Variants in SCRG1 observed in about 807,000 individuals in gnomAD.
SCRG1 encodes the protein scrapie-responsive protein 1.
Under a neutral mutation model 7.7 loss-of-function variants are expected in SCRG1, and 3 were observed. The observed-to-expected ratio is 0.39, with a 90% CI of 0.18 to 1.01. SCRG1 has a LOEUF of 1.01. SCRG1 is among the 50% of genes least tolerant of loss of function. SCRG1 has a pLI of 0.36. For missense variants in SCRG1, 110 were observed against 117.2 expected, an observed-to-expected ratio of 0.94 and a Z score of 0.28; for synonymous variants, 46 against 41.2, an observed-to-expected ratio of 1.12 and a Z score of -0.44.
chr4:173,450,898 C>A, the SCRG1 span, among the ~76,000 whole-genome samples: 8 of 152,008 alleles, frequency 5.3e-5, no homozygotes, highest in Non-Finnish European at 1.2e-4. Flanking sequence ...AGGGCATCCA[C>A]GAGCAGCAAA....
At chr4:173,418,864 G>A in the SCRG1 span, among the ~76,000 whole-genome samples, 1 of 152,100 alleles carries the variant, frequency 6.6e-6, no homozygotes, top group Non-Finnish European at 1.5e-5. Context: ...AGACATGCCT[G>A]CTTCCCCTTC....
At chr4:173,419,475 G>GT in the SCRG1 span, 12 of 860,846 alleles carry the variant, frequency 1.4e-5, no homozygotes, top group African/African-American at 1.8e-4. Context: ...TGAGAGAACT[G>GT]TTTTTTGGAA....
the SCRG1 span, chr4:173,469,335 A>T: frequency 6.6e-6 from 1 of 152,204 alleles, no homozygotes; most frequent in Non-Finnish European, 1.5e-5. Flanking sequence ...GTCATAAAAA[A>T]TAAAATTGCC....
chr4:173,420,008 A>G, the SCRG1 span: 3 of 675,034 alleles, frequency 4.4e-6, no homozygotes, highest in Non-Finnish European at 5.5e-6. Context: ...GGTGTGTTGT[A>G]TTTATTTTTA....
chr4:173,461,817 T>A, the SCRG1 span, among the ~76,000 whole-genome samples: 7 of 151,520 alleles, frequency 4.6e-5, no homozygotes, highest in South Asian at 2.1e-4. Context: ...AAATTCAAGA[T>A]AACACCAAAG....
the SCRG1 span, among the ~76,000 whole-genome samples, chr4:173,415,324 A>G: frequency 6.6e-6 from 1 of 152,232 alleles, no homozygotes; most frequent in Non-Finnish European, 1.5e-5. Flanking sequence ...AAGATTGAGT[A>G]ACTAGAACAG....
chr4:173,496,707 A>G, the SCRG1 span, among the ~76,000 whole-genome samples: 3 of 152,236 alleles, frequency 2.0e-5, no homozygotes, highest in Admixed American at 6.5e-5. Context: ...AGATAATCTT[A>G]TTTAATCCTC....
the SCRG1 span, among the ~76,000 whole-genome samples, chr4:173,496,596 A>C: frequency 3.3e-5 from 5 of 152,342 alleles, no homozygotes; most frequent in African/African-American, 9.6e-5. Context: ...AGTGAGATAA[A>C]ACACTGGTAT....
At chr4:173,403,546 T>A (rs1739817936), upstream of SCRG1, among the ~76,000 whole-genome samples, 1 of 152,104 alleles carries the variant, frequency 6.6e-6, no homozygotes, top group Admixed American at 6.6e-5. Context: ...CATGTAACCA[T>A]GAGTAACATG....
At chr4:173,421,424 G>GC in the SCRG1 span, among the ~76,000 whole-genome samples, 4 of 151,078 alleles carry the variant, frequency 2.6e-5, no homozygotes, top group South Asian at 4.2e-4. Context: ...GTTGGGGGGG[G>GC]GTTGATTTGT....
At chr4:173,434,785 C>T in the SCRG1 span, among the ~76,000 whole-genome samples, 3 of 152,080 alleles carry the variant, frequency 2.0e-5, no homozygotes, top group East Asian at 1.9e-4. Flanking sequence ...GAGCCAAGAT[C>T]GTGCCACGGC....
At chr4:173,396,970 T>C (rs1051478092) in intron 1 of SCRG1, among the ~76,000 whole-genome samples, 2 of 152,004 alleles carry the variant, frequency 1.3e-5, no homozygotes, top group Admixed American at 1.3e-4. Flanking sequence ...GGAGAATCAC[T>C]TGAACCGCGG....
the SCRG1 span, among the ~76,000 whole-genome samples, chr4:173,412,991 A>G: frequency 6.6e-6 from 1 of 152,264 alleles, no homozygotes; most frequent in South Asian, 2.1e-4. Context: ...GTGCAATGGG[A>G]TTAATTCTTA....
chr4:173,446,228 AAGGTCAAAACC>A, the SCRG1 span, among the ~76,000 whole-genome samples: 1 of 152,176 alleles, frequency 6.6e-6, no homozygotes, highest in Non-Finnish European at 1.5e-5. Context: ...GAGGGTCTAT[AAGGTCAAAACC>A]ATTTTTGTAA....
the SCRG1 span, among the ~76,000 whole-genome samples, chr4:173,508,569 C>T: frequency 4.6e-5 from 7 of 152,202 alleles, no homozygotes; most frequent in East Asian, 1.9e-4. The surrounding 1 kb of genome is among the most constrained non-coding windows in gnomAD (Gnocchi z 4.4). Flanking sequence ...CCACAGCCCC[C>T]GCCCCAGCCA....
the SCRG1 span, among the ~76,000 whole-genome samples, chr4:173,457,034 A>G: frequency 6.6e-6 from 1 of 152,226 alleles, no homozygotes; most frequent in African/African-American, 2.4e-5. Flanking sequence ...TCTCTACATC[A>G]GAGGCCAGAA....
chr4:173,508,426 T>C, the SCRG1 span, among the ~76,000 whole-genome samples: 3 of 152,030 alleles, frequency 2.0e-5, no homozygotes, highest in African/African-American at 7.2e-5. This position sits in a 1 kb window ranked among gnomAD's most constrained non-coding sequence, Gnocchi z 4.4. Context: ...GCCCACACTT[T>C]GACAGTAACC....
chr4:173,460,131 A>T, the SCRG1 span, among the ~76,000 whole-genome samples: 4 of 152,204 alleles, frequency 2.6e-5, no homozygotes, highest in African/African-American at 9.7e-5. Context: ...ACCAAAACTC[A>T]GGTGAGCACT....
At chr4:173,446,608 T>C in the SCRG1 span, 3 of 152,102 alleles carry the variant, frequency 2.0e-5, no homozygotes. Context: ...GAAAGCAAAA[T>C]ATAGAACTCT....
Sources: gnomAD v4.1 joint callset for allele counts (sites outside exome capture counted in the v4.1 genomes callset) on GRCh38, gnomAD v4.1.1 for gene constraint, Gnocchi (gnomAD v3.1) non-coding constraint, MANE v1.5 for transcripts, NCBI Gene and HGNC (gene_info 2026-07-23, HGNC 2026-07-21) for gene names.